TOP3A: variants seen among roughly 807,000 people sequenced by gnomAD.
The protein encoded by TOP3A is DNA topoisomerase III alpha, also known as DNA topoisomerase 3-alpha.
A neutral mutation model predicts 111.3 loss-of-function variants in TOP3A; 64 were observed. That is an observed-to-expected ratio of 0.57 (90% CI 0.47 to 0.71). TOP3A has a LOEUF of 0.71. Among genes scored for constraint, TOP3A ranks in the 30% least tolerant of loss-of-function variants. TOP3A has a pLI of 0.00. For missense variants in TOP3A, 1,104 were observed against 1,285.0 expected, an observed-to-expected ratio of 0.86 and a Z score of 2.15; for synonymous variants, 484 against 485.1, an observed-to-expected ratio of 1.00 and a Z score of 0.03.
intron 9 of TOP3A, among the ~76,000 whole-genome samples, chr17:18,298,880 C>A (rs975470421): frequency 1.3e-5 from 2 of 151,986 alleles, no homozygotes; most frequent in East Asian, 1.9e-4. Context: ...GTCATCACCA[C>A]TCCCTAATCT....
At chr17:18,279,624 C>T (rs1410963782) in intron 17 of TOP3A, among the ~76,000 whole-genome samples, 1 of 151,504 alleles carries the variant, frequency 6.6e-6, no homozygotes, top group Non-Finnish European at 1.5e-5. Flanking sequence ...CTCCTGTCCT[C>T]GTGATCCGCC....
In TOP3A at chr17:18,314,728, T is replaced by A; in HGVS notation, c.51A>T (p.Glu17Asp). ...TGGCGGCGCGGGAAAAGGCACGGTC[T>A]TCGGGCCGTCGCAGCCACCGGAGCG... ...RYALRWLRRP[E>D]DRAFSRAAME... Residue 17 changes from glutamate to aspartate, a missense_variant, in exon 1 of 19, where the codon GAA becomes GAT. Coordinates refer to ENST00000321105, the MANE Select transcript of TOP3A (RefSeq NM_004618.5). 1 of 1,590,526 alleles carries A rather than the reference T, an allele frequency of 6.3e-7. No homozygotes were observed. The highest frequency in any genetic ancestry group is 8.6e-7 in the Non-Finnish European group (1 of 1,168,966).
chr17:18,298,358 GCCGCCCCATCC>G (rs1263155399), intron 9 of TOP3A, among the ~76,000 whole-genome samples: 1 of 148,328 alleles, frequency 6.7e-6, no homozygotes. Flanking sequence ...CGCCCGGCCA[GCCGCCCCATCC>G]GGGAGGGAGG....
rs563251740 is a variant in TOP3A at position 18,280,320 on chromosome 17, G to A, written c.2144+216C>T. ...AGCCCTTCATGGTTCTTTGCCCATG[G>A]CCCACTCCAAACAGGGTCATACCTG... On this transcript the variant is annotated intron_variant, in intron 17 of 18. Transcript: ENST00000321105. 6.8e-6 allele frequency: 3 copies of A among 438,770 alleles called. No homozygotes were observed. In the South Asian group the frequency reaches 1.1e-4, roughly 16 times the overall value. 27.2% of individuals were successfully genotyped at this position (438,770 alleles called of 1,614,324 possible).
At chr17:18,288,145 A>ATATATATATATG (rs1980230659) in intron 13 of TOP3A, among the ~76,000 whole-genome samples, 1 of 139,046 alleles carries the variant, frequency 7.2e-6, no homozygotes, top group Non-Finnish European at 1.5e-5. Context: ...ATATATATAT[A>ATATATATATATG]TATAAATTTT....
rs1458132432 is a variant in TOP3A at position 18,292,591 on chromosome 17, A to G, written c.1281+54T>C. 16 of 1,428,716 alleles carry G rather than the reference A, an allele frequency of 1.1e-5. No homozygotes were observed. The Admixed American group carries it at 3.8e-4, about 34-fold the overall frequency. 88.5% of individuals were successfully genotyped at this position (1,428,716 alleles called of 1,614,324 possible). On this transcript the variant is annotated intron_variant, in intron 11 of 18. Coordinates refer to ENST00000321105, the MANE Select transcript of TOP3A (RefSeq NM_004618.5). ...AGAGTAAATTCAAACCTTACTACTG[A>G]CCCCCAGCACTTCCCTATGGGTTCC...
At chr17:18,287,396 C>A (rs533778930) in intron 13 of TOP3A, among the ~76,000 whole-genome samples, 1 of 151,858 alleles carries the variant, frequency 6.6e-6, no homozygotes, top group African/African-American at 2.4e-5. Flanking sequence ...GCCAGTGATG[C>A]GCACCTGTAG....
At chr17:18,293,447 G>C (rs1980603612) in intron 10 of TOP3A, among the ~76,000 whole-genome samples, 1 of 151,668 alleles carries the variant, frequency 6.6e-6, no homozygotes, top group Non-Finnish European at 1.5e-5. Flanking sequence ...CACCATGCCT[G>C]GCTAATTTTT....
intron 9 of TOP3A, among the ~76,000 whole-genome samples, chr17:18,298,646 ATGGT>A (rs1981022212): frequency 6.6e-6 from 1 of 151,850 alleles, no homozygotes; most frequent in Non-Finnish European, 1.5e-5. Flanking sequence ...GAGAAATCGG[ATGGT>A]TGCCGTGTCT....
At chr17:18,287,439 T>A (rs908704146) in intron 13 of TOP3A, among the ~76,000 whole-genome samples, 7 of 151,946 alleles carry the variant, frequency 4.6e-5, no homozygotes, top group African/African-American at 1.5e-4. Context: ...GGCAGGAGAA[T>A]CTCTTGAACC....
intron 1 of TOP3A, among the ~76,000 whole-genome samples, chr17:18,310,146 G>A (rs1248317098): frequency 2.0e-5 from 3 of 152,110 alleles, no homozygotes; most frequent in African/African-American, 4.8e-5. Flanking sequence ...GAATGAAGAG[G>A]CCAGGTGCAA....
Position 18,274,962 on chromosome 17 carries a change from G to T in TOP3A, c.2846C>A (p.Ser949Tyr). 6.2e-7 allele frequency: 1 copy of T among 1,613,880 alleles called. No homozygotes were observed. The highest frequency in any genetic ancestry group is 8.5e-7 in the Non-Finnish European group (1 of 1,179,940). Residue 949 changes from serine (S) to tyrosine (Y), a missense_variant, in exon 19 of 19, where the codon TCC becomes TAC. Transcript: ENST00000321105. ...GGTTCTTCCTCTGTCTCCTGTCCAG[G>T]ACGGGGCTCCAGAAGTCCCTGTCGG... ...NTAPGTSGAPSWTGDRGRTLE... is the reference protein window; with the variant it reads ...NTAPGTSGAPYWTGDRGRTLE...
In TOP3A at chr17:18,285,319, G is replaced by A. The variant is rs377098033; in HGVS notation, c.1712-12C>T. 49 of 1,613,944 alleles carry A rather than the reference G, an allele frequency of 3.0e-5. No individual in the cohort carries two copies. Among genetic ancestry groups the A allele is most frequent in the Non-Finnish European group, 4.0e-5 (47 of 1,179,888 alleles). On this transcript the variant is annotated splice_polypyrimidine_tract_variant and intron_variant, in intron 14 of 18. Transcript: ENST00000321105. The stretch of plus-strand genomic sequence containing the variant: ...CATGGAATCATAACCTGCAGGGAGA[G>A]AGTCGAGCTCAGTGAGGGCCCACCT...
intron 6 of TOP3A, 42 bp downstream of exon 6, chr17:18,302,535 CACA>C (rs1981300174): frequency 6.2e-7 from 1 of 1,602,666 alleles, no homozygotes. Context: ...GGTCCCATAA[CACA>C]ACATTAATGT....
Position 18,274,945 on chromosome 17 carries a change from C to T in TOP3A, c.2863G>A (p.Gly955Arg). 1 of 1,614,104 alleles carries T rather than the reference C, an allele frequency of 6.2e-7. No individual in the cohort carries two copies. Among genetic ancestry groups the T allele is most frequent in the Non-Finnish European group, 8.5e-7 (1 of 1,180,030 alleles). The part of the protein sequence containing the change: ...SGAPSWTGDR[G>R]RTLESEARSK... ...CTGGCTTCCGACTCCAGGGTTCTTC[C>T]TCTGTCTCCTGTCCAGGACGGGGCT... Residue 955 changes from glycine (G) to arginine (R), a missense_variant, in exon 19 of 19, where the codon GGA becomes AGA. Gly to Arg is a moderately radical substitution (Grantham distance 125). Coordinates refer to ENST00000321105, the MANE Select transcript of TOP3A (RefSeq NM_004618.5).
intron 18 of TOP3A, among the ~76,000 whole-genome samples, chr17:18,275,293 C>CAAAAAA (rs538677203): frequency 6.6e-5 from 4 of 60,734 alleles, no homozygotes; most frequent in African/African-American, 1.8e-4. Flanking sequence ...GACCCTGTCT[C>CAAAAAA]AAAAAAAAAA....
chr17:18,278,334 CCG>C lies in TOP3A; in HGVS notation c.2166_2167del (p.Gly723Ter). ...CAGAGGCATGGTCGGGGGAAGGCTA[CCG>C]CGCTTAAACTTTAACTTTAACCTAG... On this transcript the variant is annotated frameshift_variant, in exon 18 of 19. Coordinates refer to ENST00000321105, the MANE Select transcript of TOP3A (RefSeq NM_004618.5). LOFTEE classifies it high-confidence loss of function. 6.6e-7 allele frequency: 1 copy of C among 1,514,450 alleles called. No homozygotes were observed. The highest frequency in any genetic ancestry group is 8.8e-7 in the Non-Finnish European group (1 of 1,131,596). The allele number at this position is 1,514,450 out of a possible 1,614,324, so 93.8% of individuals were successfully genotyped here.
At position 18,272,299 on chromosome 17, in the gene TOP3A, T is replaced by C. The variant is rs1019177892; in HGVS notation, c.*2503A>G. On this transcript the variant is annotated 3_prime_UTR_variant, in exon 19 of 19. Coordinates refer to ENST00000321105, the MANE Select transcript of TOP3A (RefSeq NM_004618.5). ...AAAGGAACAAGTGTTCACAAGGATA[T>C]GGAGAAGCAGTAACCCTGGTGTGCT... is the stretch of plus-strand genomic sequence containing the variant. 2.0e-5 allele frequency among the ~76,000 whole-genome samples: 3 copies of C among 152,170 alleles called. No individual in the cohort carries two copies. Among genetic ancestry groups the C allele is most frequent in the Admixed American group, 6.5e-5 (1 of 15,268 alleles).
chr17:18,291,498 C>T (rs1205003423), intron 11 of TOP3A, among the ~76,000 whole-genome samples: 1 of 152,130 alleles, frequency 6.6e-6, no homozygotes, highest in Non-Finnish European at 1.5e-5. Context: ...TACACATATC[C>T]AATAATTCCC....
Sources: gnomAD v4.1 joint callset for allele counts (sites outside exome capture counted in the v4.1 genomes callset) on GRCh38, gnomAD v4.1.1 for gene constraint, MANE v1.5 for transcripts, NCBI Gene and HGNC (gene_info 2026-07-23, HGNC 2026-07-21) for gene names.